ACOXL: variants seen among roughly 807,000 people sequenced by gnomAD.
ACOXL encodes the protein acyl-CoA oxidase like, also known as acyl-coenzyme A oxidase-like protein.
A neutral mutation model predicts 71.9 loss-of-function variants in ACOXL; 70 were observed. The observed-to-expected ratio is 0.97, with a 90% CI of 0.80 to 1.19. ACOXL has a LOEUF of 1.19. Ranked by LOEUF, ACOXL falls within the 50% of genes most tolerant of loss-of-function variation. ACOXL has a pLI of 0.00. For missense variants in ACOXL, 703 were observed against 736.3 expected, an observed-to-expected ratio of 0.95 and a Z score of 0.52; for synonymous variants, 253 against 281.6, an observed-to-expected ratio of 0.90 and a Z score of 1.02.
chr2:110,875,143 G>T (rs910525277), intron 10 of ACOXL, among the ~76,000 whole-genome samples: 1 of 152,166 alleles, frequency 6.6e-6, no homozygotes, highest in African/African-American at 2.4e-5. Flanking sequence ...GAGTGAGGCC[G>T]ACTTCCCACG....
In ACOXL at chr2:110,753,101, C is replaced by G. The variant is rs572831488; in HGVS notation, c.-22-15267C>G. ...CTCCTGCTGGTGGTGAGTTCTCACT[C>G]TATTAGTTCACTTGAGAGCTGGTTG... On this transcript the variant is annotated intron_variant, in intron 1 of 17. Transcript: ENST00000439055. 2.6e-5 allele frequency among the ~76,000 whole-genome samples: 4 copies of G among 152,202 alleles called. No homozygotes were observed. In the South Asian group the frequency reaches 8.3e-4, roughly 32 times the overall value.
At chr2:110,893,896 A>G (rs2058894837) in intron 10 of ACOXL, among the ~76,000 whole-genome samples, 1 of 152,170 alleles carries the variant, frequency 6.6e-6, no homozygotes, top group African/African-American at 2.4e-5. Flanking sequence ...TTAGTAGTAC[A>G]TCTTTGAGAG....
intron 1 of ACOXL, among the ~76,000 whole-genome samples, chr2:110,763,356 A>C (rs978106608): frequency 9.9e-5 from 15 of 152,256 alleles, no homozygotes; most frequent in African/African-American, 3.4e-4. Flanking sequence ...AATGAAACAG[A>C]ATAGAAAGTC....
chr2:110,933,153 T>C (rs757635249), intron 11 of ACOXL, among the ~76,000 whole-genome samples: 1 of 152,252 alleles, frequency 6.6e-6, no homozygotes, highest in Non-Finnish European at 1.5e-5. Flanking sequence ...TAAATAGTAC[T>C]GTTTAAACCA....
rs931987533 is a variant in ACOXL, at chr2:110,986,787, C to G, written c.1060-321C>G. 2.6e-5 allele frequency among the ~76,000 whole-genome samples: 4 copies of G among 152,046 alleles called. No individual in the cohort carries two copies. The South Asian group carries it at 6.2e-4, about 24-fold the overall frequency. The stretch of plus-strand genomic sequence containing the variant: ...AAGAGAACGGACCAGCCTTCTGGTC[C>G]ACGGAAGGCAAGCAGGTTTTACTAA... On this transcript the variant is annotated intron_variant, in intron 12 of 17. Transcript: ENST00000439055.
chr2:110,862,009 T>G (rs1694013502), intron 10 of ACOXL, among the ~76,000 whole-genome samples: 1 of 152,228 alleles, frequency 6.6e-6, no homozygotes, highest in Non-Finnish European at 1.5e-5. Context: ...GGATTTGCTC[T>G]CTCAGAACCT....
At chr2:110,931,412 A>G (rs1179480311) in intron 11 of ACOXL, among the ~76,000 whole-genome samples, 5 of 152,192 alleles carry the variant, frequency 3.3e-5, no homozygotes, top group Non-Finnish European at 7.3e-5. Context: ...ATTTTTTTAA[A>G]TACCCATTTC....
chr2:111,013,739 C>G (rs989521270), intron 14 of ACOXL, among the ~76,000 whole-genome samples: 4 of 152,032 alleles, frequency 2.6e-5, no homozygotes, highest in African/African-American at 9.7e-5. Context: ...TTCTATCAAA[C>G]ATTTAAAGAC....
chr2:110,829,267 C>G (rs1689538399), intron 9 of ACOXL, among the ~76,000 whole-genome samples: 1 of 152,170 alleles, frequency 6.6e-6, no homozygotes, highest in Non-Finnish European at 1.5e-5. Flanking sequence ...CATCCCCACC[C>G]CAGTTTGGAG....
rs112822832 is a variant in ACOXL at position 110,744,276 on chromosome 2, G to A, written c.-23+11502G>A. On this transcript the variant is annotated intron_variant, in intron 1 of 17. Transcript: ENST00000439055. ...AGGTGCTCTGGGCCCAAGGAACATA[G>A]TTGGTGGCATGATTTTTTATGTCTT... 8.7e-4 allele frequency among the ~76,000 whole-genome samples: 132 copies of A among 152,328 alleles called. 2 individuals are homozygous for A. The highest frequency in any genetic ancestry group is 3.0e-3 in the African/African-American group (125 of 41,568).
intron 16 of ACOXL, among the ~76,000 whole-genome samples, chr2:111,084,410 C>A: frequency 6.6e-6 from 1 of 151,870 alleles, no homozygotes; most frequent in African/African-American, 2.4e-5. Flanking sequence ...TGAGGCTTGA[C>A]AAATAATCTT....
intron 1 of ACOXL, among the ~76,000 whole-genome samples, chr2:110,755,966 A>G (rs1223242113): frequency 2.6e-5 from 4 of 152,232 alleles, no homozygotes; most frequent in Admixed American, 2.0e-4. Flanking sequence ...TTCTGTCCAT[A>G]TAACATTATT....
intron 1 of ACOXL, among the ~76,000 whole-genome samples, chr2:110,754,795 G>A (rs1178846810): frequency 2.0e-5 from 3 of 152,174 alleles, no homozygotes; most frequent in Non-Finnish European, 2.9e-5. Flanking sequence ...AAACATTTAT[G>A]TACAGGTTTT....
intron 9 of ACOXL, 77 bp downstream of exon 9, chr2:110,805,472 G>A: frequency 1.3e-6 from 2 of 1,589,438 alleles, no homozygotes; most frequent in Non-Finnish European, 1.7e-6. Flanking sequence ...AATTCCAGGA[G>A]CTGAGCTTCT....
intron 14 of ACOXL, among the ~76,000 whole-genome samples, chr2:111,008,819 T>C (rs1277539961): frequency 6.6e-6 from 1 of 152,238 alleles, no homozygotes; most frequent in Non-Finnish European, 1.5e-5. Flanking sequence ...AGGTGATCAA[T>C]GGTAACTTCA....
chr2:110,978,776 G>A (rs950406571), intron 12 of ACOXL, among the ~76,000 whole-genome samples: 1 of 151,488 alleles, frequency 6.6e-6, no homozygotes, highest in Non-Finnish European at 1.5e-5. Context: ...CTTTCAGAAA[G>A]GGTTTGCACG....
intron 9 of ACOXL, among the ~76,000 whole-genome samples, chr2:110,817,043 G>A (rs1040693060): frequency 4.6e-5 from 7 of 152,304 alleles, no homozygotes; most frequent in African/African-American, 1.2e-4. Flanking sequence ...CCTTAGCTAC[G>A]AAAGGGCAGG....
At chr2:111,032,015 T>A (rs749459058) in intron 15 of ACOXL, among the ~76,000 whole-genome samples, 1 of 152,164 alleles carries the variant, frequency 6.6e-6, no homozygotes, top group Non-Finnish European at 1.5e-5. Context: ...GTTGGCAAAA[T>A]GCCTGTCCCT....
intron 12 of ACOXL, among the ~76,000 whole-genome samples, chr2:110,944,525 T>G (rs949566235): frequency 7.2e-5 from 11 of 152,150 alleles, no homozygotes; most frequent in Non-Finnish European, 1.3e-4. Context: ...TAGGCCCCAG[T>G]GTCTGTTGTT....
Sources: allele counts gnomAD v4.1 joint callset (sites outside exome capture counted in the v4.1 genomes callset), GRCh38; gene constraint gnomAD v4.1.1; transcripts MANE v1.5; gene names NCBI Gene and HGNC (gene_info 2026-07-23, HGNC 2026-07-21).